Variants in ZNF407 observed in about 807,000 individuals in gnomAD.
ZNF407 encodes zinc finger protein 407.
A neutral mutation model predicts 131.2 loss-of-function variants in ZNF407; 17 were observed. That is an observed-to-expected ratio of 0.13 (90% CI 0.09 to 0.19). ZNF407 has a LOEUF of 0.19. ZNF407 is among the 10% of genes least tolerant of loss of function. ZNF407 has a pLI of 1.00. For synonymous variants in ZNF407, 1,156 were observed against 1,062.0 expected (o/e 1.09, Z -1.72); for missense variants, 2,681 against 2,830.6 (o/e 0.95, Z 1.20).
intron 8 of ZNF407, among the ~76,000 whole-genome samples, chr18:75,034,327 G>T (rs1402176229): frequency 8.6e-5 from 10 of 116,716 alleles, no homozygotes; most frequent in African/African-American, 3.0e-4. Flanking sequence ...TTTTTGAGAC[G>T]TAGTTTCGCT....
intron 8 of ZNF407, among the ~76,000 whole-genome samples, chr18:74,949,318 T>A (rs892101819): frequency 6.6e-6 from 1 of 152,222 alleles, no homozygotes; most frequent in Non-Finnish European, 1.5e-5. Flanking sequence ...TTCAGGGGAA[T>A]CACTTAACCT....
At chr18:74,807,288 G>T (rs749535471) in intron 4 of ZNF407, among the ~76,000 whole-genome samples, 17 of 152,208 alleles carry the variant, frequency 1.1e-4, no homozygotes, top group Non-Finnish European at 2.4e-4. Context: ...ATTAGGAACT[G>T]AAAGTGTTGG....
At chr18:74,820,792 G>A (rs986815219) in intron 4 of ZNF407, among the ~76,000 whole-genome samples, 3 of 152,152 alleles carry the variant, frequency 2.0e-5, no homozygotes, top group African/African-American at 7.2e-5. Context: ...AGGAACAGAA[G>A]TCTATGATGG....
intron 3 of ZNF407, among the ~76,000 whole-genome samples, chr18:74,678,145 TG>T (rs1190788034): frequency 1.3e-5 from 2 of 152,198 alleles, no homozygotes; most frequent in African/African-American, 4.8e-5. Context: ...TTTAATGTCA[TG>T]GACATTTTGT....
At position 74,835,641 on chromosome 18, in the gene ZNF407, TG is replaced by T. The variant is rs1437660282; in HGVS notation, c.4878-41555del. The stretch of plus-strand genomic sequence containing the variant: ...TTGGACAGAGGGGGGTGTGTGTGTG[TG>T]TGTGTGTGTGTGTGTGTGTGTGTGT... On this transcript the variant is annotated intron_variant, in intron 4 of 8. Transcript: ENST00000299687. Among the ~76,000 whole-genome samples the T allele has an allele frequency of 1.5e-3, 222 of 151,266 alleles. 2 individuals are homozygous for T. Among genetic ancestry groups the T allele is most frequent in the Middle Eastern group, 0.014 (4 of 294 alleles).
intron 4 of ZNF407, among the ~76,000 whole-genome samples, chr18:74,798,371 A>G (rs1315672003): frequency 6.6e-6 from 1 of 152,150 alleles, no homozygotes; most frequent in Non-Finnish European, 1.5e-5. Flanking sequence ...GAAACAGTGA[A>G]AAAAAGGAAG....
chr18:75,044,297 C>T (rs1973407247), intron 8 of ZNF407, among the ~76,000 whole-genome samples: 1 of 151,344 alleles, frequency 6.6e-6, no homozygotes, highest in Admixed American at 6.6e-5. Context: ...CTATATGGAG[C>T]TTCATGAAAG....
chr18:74,919,048 G>A (rs111276203), intron 7 of ZNF407, among the ~76,000 whole-genome samples: 16 of 152,256 alleles, frequency 1.1e-4, no homozygotes, highest in East Asian at 3.9e-4. Context: ...ACACGTTTGC[G>A]TTTCAGCTTT....
intron 3 of ZNF407, among the ~76,000 whole-genome samples, chr18:74,709,132 G>A (rs912539829): frequency 3.3e-5 from 5 of 152,132 alleles, no homozygotes; most frequent in African/African-American, 1.2e-4. Context: ...CTTATATTTT[G>A]AAATGTTTTC....
At chr18:74,845,899 G>T (rs765277125) in intron 4 of ZNF407, among the ~76,000 whole-genome samples, 20 of 152,130 alleles carry the variant, frequency 1.3e-4, no homozygotes, top group Non-Finnish European at 2.1e-4. Context: ...TAAGTTAGTT[G>T]TTAATATAGG....
At chr18:74,788,956 T>G (rs913868223) in intron 4 of ZNF407, among the ~76,000 whole-genome samples, 2 of 151,958 alleles carry the variant, frequency 1.3e-5, no homozygotes, top group African/African-American at 2.4e-5. Flanking sequence ...TTTGTGCGGA[T>G]GGGTGATAAT....
At chr18:74,608,080 T>A (rs1982887059) in intron 1 of ZNF407, among the ~76,000 whole-genome samples, 1 of 152,218 alleles carries the variant, frequency 6.6e-6, no homozygotes, top group African/African-American at 2.4e-5. Flanking sequence ...CTTTCTACTT[T>A]GAAATAATTT....
chr18:74,834,284 A>G (rs1019573068), intron 4 of ZNF407, among the ~76,000 whole-genome samples: 4 of 152,248 alleles, frequency 2.6e-5, no homozygotes, highest in African/African-American at 9.6e-5. Flanking sequence ...TTTAGGGGAA[A>G]AAATTGGCCC....
chr18:74,836,431 T>C (rs1472024164), intron 4 of ZNF407, among the ~76,000 whole-genome samples: 1 of 152,234 alleles, frequency 6.6e-6, no homozygotes, highest in East Asian at 1.9e-4. Context: ...GGAGCTGCTG[T>C]GTGTGTATTT....
At chr18:74,774,689 A>G (rs748270331) in intron 3 of ZNF407, among the ~76,000 whole-genome samples, 71 of 152,352 alleles carry the variant, frequency 4.7e-4, no homozygotes, top group Non-Finnish European at 8.4e-4. Flanking sequence ...AAACGAGGGT[A>G]GTTGTAGATG....
chr18:74,955,814 A>C (rs184766682), intron 8 of ZNF407, among the ~76,000 whole-genome samples: 3 of 152,184 alleles, frequency 2.0e-5, no homozygotes, highest in Non-Finnish European at 4.4e-5. Context: ...AAAGGACTTC[A>C]TCAGGCTCGG....
chr18:74,887,532 G>A (rs1971326708), intron 6 of ZNF407, among the ~76,000 whole-genome samples: 2 of 151,924 alleles, frequency 1.3e-5, no homozygotes, highest in African/African-American at 4.8e-5. Context: ...GTCATATTCA[G>A]TAACTATGCA....
intron 8 of ZNF407, among the ~76,000 whole-genome samples, chr18:75,020,944 T>G (rs1973102663): frequency 6.6e-6 from 1 of 152,112 alleles, no homozygotes; most frequent in Non-Finnish European, 1.5e-5. Flanking sequence ...GCAATCTGTG[T>G]GTCATTACTG....
At chr18:74,715,349 G>A (rs1198899308) in intron 3 of ZNF407, among the ~76,000 whole-genome samples, 1 of 152,198 alleles carries the variant, frequency 6.6e-6, no homozygotes, top group Admixed American at 6.5e-5. Context: ...ACTGAAATGT[G>A]ACTCTACGCT....
Sources: allele counts gnomAD v4.1 joint callset (sites outside exome capture counted in the v4.1 genomes callset), GRCh38; gene constraint gnomAD v4.1.1; transcripts MANE v1.5; gene names NCBI Gene and HGNC (gene_info 2026-07-23, HGNC 2026-07-21).